Variants in VMP1 observed in about 807,000 individuals in gnomAD.
VMP1 encodes ectopic P-granules autophagy protein 3 homolog.
VMP1 carries 11 observed loss-of-function variants against 56.0 expected under a neutral mutation model. The observed-to-expected ratio is 0.20, with a 90% CI of 0.12 to 0.32. VMP1 has a LOEUF of 0.32. Among genes scored for constraint, VMP1 ranks in the 10% least tolerant of loss-of-function variants. The pLI is 1.00. For missense variants in VMP1, 296 were observed against 490.3 expected (o/e 0.60, Z 3.74); for synonymous variants, 149 against 165.0 (o/e 0.90, Z 0.74).
intron 5 of VMP1, among the ~76,000 whole-genome samples, chr17:59,755,002 C>G (rs1385223236): frequency 4.9e-5 from 6 of 123,412 alleles, no homozygotes; most frequent in Admixed American, 1.0e-4. Context: ...TTTTTAACAG[C>G]TCTCATAAAT....
chr17:59,809,326 TTTTTTTG>T (rs2037963747), intron 8 of VMP1, among the ~76,000 whole-genome samples: 1 of 129,832 alleles, frequency 7.7e-6, no homozygotes, highest in Non-Finnish European at 1.6e-5. Flanking sequence ...TTTTTTTTTT[TTTTTTTG>T]AGACAAGAGT....
intron 10 of VMP1, among the ~76,000 whole-genome samples, chr17:59,826,299 A>C (rs2144300590): frequency 6.6e-6 from 1 of 152,360 alleles, no homozygotes; most frequent in East Asian, 1.9e-4. Flanking sequence ...CTGTTAGATG[A>C]GAAATGGGTA....
chr17:59,829,026 G>C (rs2038730465), intron 10 of VMP1, among the ~76,000 whole-genome samples: 1 of 152,184 alleles, frequency 6.6e-6, no homozygotes, highest in African/African-American at 2.4e-5. Flanking sequence ...TGAGGCAGGA[G>C]AATCGCTTGA....
intron 7 of VMP1, among the ~76,000 whole-genome samples, chr17:59,782,021 A>C (rs979515891): frequency 6.6e-6 from 1 of 151,890 alleles, no homozygotes; most frequent in Non-Finnish European, 1.5e-5. Flanking sequence ...TGGTTCTCCT[A>C]ACTCAGCCTC....
At chr17:59,732,893 C>T (rs1001293333) in intron 2 of VMP1, among the ~76,000 whole-genome samples, 2 of 152,086 alleles carry the variant, frequency 1.3e-5, no homozygotes, top group African/African-American at 2.4e-5. Context: ...TTAGGCTGGG[C>T]GTGGTGATTC....
At position 59,725,427 on chromosome 17, in the gene VMP1, A is replaced by T. The variant is rs191864252; in HGVS notation, c.-26-5994A>T. ...GGAAAAATGTTAAATCCTTTAGAAA[A>T]TGGTTAAAATGCAGAAAAGCTTTGA... On this transcript the variant is annotated intron_variant, in intron 1 of 11. Coordinates refer to ENST00000262291, the MANE Select transcript of VMP1 (RefSeq NM_030938.5). 1.5e-3 allele frequency among the ~76,000 whole-genome samples: 229 copies of T among 152,266 alleles called. 3 individuals carry two copies. The highest frequency in any genetic ancestry group is 2.5e-3 in the Non-Finnish European group (167 of 68,022).
At chr17:59,739,905 C>G (rs1375777774) in intron 5 of VMP1, among the ~76,000 whole-genome samples, 1 of 151,178 alleles carries the variant, frequency 6.6e-6, no homozygotes, top group Non-Finnish European at 1.5e-5. Context: ...GAAACCCCGT[C>G]TCTACTAAAT....
chr17:59,779,926 T>C (rs1232830276), intron 7 of VMP1, among the ~76,000 whole-genome samples: 4 of 152,346 alleles, frequency 2.6e-5, no homozygotes, highest in Admixed American at 6.5e-5. Flanking sequence ...TAGAATTTGA[T>C]GAAGAATTCT....
chr17:59,832,620 G>A (rs963318254), intron 10 of VMP1, among the ~76,000 whole-genome samples: 2 of 139,490 alleles, frequency 1.4e-5, no homozygotes, highest in South Asian at 2.2e-4. Context: ...TTGAGACAGA[G>A]TCTCGCTCTG....
At chr17:59,829,779 T>A (rs775567408) in intron 10 of VMP1, among the ~76,000 whole-genome samples, 2 of 152,160 alleles carry the variant, frequency 1.3e-5, no homozygotes, top group Non-Finnish European at 2.9e-5. Flanking sequence ...CAGCTTGTAA[T>A]GGGAGTAGGA....
chr17:59,831,505 A>G (rs2038803633), intron 10 of VMP1, among the ~76,000 whole-genome samples: 1 of 152,154 alleles, frequency 6.6e-6, no homozygotes, highest in Admixed American at 6.5e-5. Flanking sequence ...AGTGATTTCC[A>G]GAAGCAGAGT....
At chr17:59,779,385 A>C (rs959752411) in intron 7 of VMP1, among the ~76,000 whole-genome samples, 2 of 152,160 alleles carry the variant, frequency 1.3e-5, no homozygotes, top group African/African-American at 4.8e-5. Context: ...CTGAGTAGGG[A>C]TGGGACCTGG....
intron 5 of VMP1, among the ~76,000 whole-genome samples, chr17:59,744,231 C>T (rs371324855): frequency 4.0e-5 from 6 of 151,358 alleles, no homozygotes; most frequent in African/African-American, 9.7e-5. Flanking sequence ...GAGGCCGAGG[C>T]GGGTGGATCA....
At chr17:59,793,905 G>A (rs2037329068) in intron 7 of VMP1, among the ~76,000 whole-genome samples, 1 of 151,402 alleles carries the variant, frequency 6.6e-6, no homozygotes, top group Non-Finnish European at 1.5e-5. Context: ...GATTACAGGC[G>A]TGAGCCACCG....
At chr17:59,835,921 C>T (rs1598468517) in intron 10 of VMP1, among the ~76,000 whole-genome samples, 3 of 148,738 alleles carry the variant, frequency 2.0e-5, no homozygotes, top group Admixed American at 2.0e-4. Context: ...ATATTCATGT[C>T]ATTTATTTCT....
chr17:59,788,134 G>A (rs930403493), intron 7 of VMP1, among the ~76,000 whole-genome samples: 1 of 152,106 alleles, frequency 6.6e-6, no homozygotes, highest in Non-Finnish European at 1.5e-5. Context: ...GTCATTAGCA[G>A]GGAAAAAAAG....
intron 10 of VMP1, among the ~76,000 whole-genome samples, chr17:59,835,490 T>G (rs970341910): frequency 6.7e-5 from 10 of 149,792 alleles, no homozygotes; most frequent in African/African-American, 2.5e-4. Flanking sequence ...TATGCAGTTT[T>G]TTGTTTTTTT....
chr17:59,824,463 C>T (rs2038568986), intron 10 of VMP1, among the ~76,000 whole-genome samples: 2 of 150,700 alleles, frequency 1.3e-5, no homozygotes, highest in South Asian at 4.2e-4. Flanking sequence ...ATCCCAGCTA[C>T]TCGGGAGGCT....
chr17:59,737,080 C>T (rs1248905741), intron 3 of VMP1, among the ~76,000 whole-genome samples: 3 of 152,118 alleles, frequency 2.0e-5, no homozygotes, highest in South Asian at 2.1e-4. Flanking sequence ...AAACAAGAAA[C>T]AGAATCAGGT....
Sources: gnomAD v4.1 joint callset for allele counts (sites outside exome capture counted in the v4.1 genomes callset) on GRCh38, gnomAD v4.1.1 for gene constraint, MANE v1.5 for transcripts, NCBI Gene and HGNC (gene_info 2026-07-23, HGNC 2026-07-21) for gene names.